The following CCDC25 variants were observed in gnomAD, a reference collection of about 807,000 sequenced individuals.
CCDC25 encodes the protein coiled-coil domain containing 25.
In CCDC25, 16 loss-of-function variants were observed where a neutral mutation model predicts 35.3. The ratio of observed to expected loss-of-function variants is 0.45; its 90% confidence interval spans 0.31 to 0.69. The LOEUF (loss-of-function observed/expected upper bound fraction) is 0.69. Among genes scored for constraint, CCDC25 ranks in the 30% least tolerant of loss-of-function variants. The pLI is 0.06. For synonymous variants in CCDC25, 79 were observed against 80.3 expected (o/e 0.98, Z 0.09); for missense variants, 179 against 250.7 (o/e 0.71, Z 1.93).
At chr8:27,761,284 C>T (rs1197902703) in intron 3 of CCDC25, among the ~76,000 whole-genome samples, 1 of 152,058 alleles carries the variant, frequency 6.6e-6, no homozygotes, top group African/African-American at 2.4e-5. Flanking sequence ...GAGCTGAAGC[C>T]AAAAGAGCAG....
In CCDC25 at chr8:27,737,118, G is replaced by A. The variant is rs1055777238; in HGVS notation, c.598-873C>T. 4.6e-5 allele frequency among the ~76,000 whole-genome samples: 7 copies of A among 152,104 alleles called. No homozygotes were observed. Among genetic ancestry groups the A allele is most frequent in the Non-Finnish European group, 7.4e-5 (5 of 68,014 alleles). ...AAAACATTGGTTCCTGTGAAGTCTG[G>A]TTTTAGCTCCAACTTCACTTAGTGG... On this transcript the variant is annotated intron_variant, in intron 8 of 8. Transcript: ENST00000356537. This position sits in a 1 kb window ranked among gnomAD's most constrained non-coding sequence, Gnocchi z 4.6.
At position 27,735,233 on chromosome 8, in the gene CCDC25, G is replaced by A. The variant is rs2128934278; in HGVS notation, c.*983C>T. On this transcript the variant is annotated 3_prime_UTR_variant, in exon 9 of 9. Coordinates refer to ENST00000356537, the MANE Select transcript of CCDC25 (RefSeq NM_018246.3). Reference sequence around the variant, plus strand: ...CAGTTCAACCCCATACACCAACATGGAATAAATGGAAACACTAGCCTTTTG... The same window carrying A: ...CAGTTCAACCCCATACACCAACATGAAATAAATGGAAACACTAGCCTTTTG... 6.6e-6 allele frequency: 1 copy of A among 152,666 alleles called. No homozygotes were observed. Among genetic ancestry groups the A allele is most frequent in the East Asian group, 1.9e-4 (1 of 5,174 alleles). 9.5% of individuals were successfully genotyped at this position (152,666 alleles called of 1,614,324 possible). A position where few individuals can be genotyped will look rare whatever the true frequency, so the allele number is the denominator to read the frequency against.
At chr8:27,746,214 T>G (rs1803597254) in intron 7 of CCDC25, among the ~76,000 whole-genome samples, 1 of 152,208 alleles carries the variant, frequency 6.6e-6, no homozygotes, top group South Asian at 2.1e-4. Flanking sequence ...AAGAGTATAG[T>G]AAGTAATATG....
At chr8:27,754,797 G>A (rs539438786) in intron 4 of CCDC25, among the ~76,000 whole-genome samples, 1 of 152,326 alleles carries the variant, frequency 6.6e-6, no homozygotes, top group African/African-American at 2.4e-5. Flanking sequence ...ATTGGAAATG[G>A]TTTAAGGCAA....
At chr8:27,752,688 A>G (rs554164543) in intron 4 of CCDC25, 101 bp from the exon 5 acceptor site, 2 of 799,302 alleles carry the variant, frequency 2.5e-6, no homozygotes, top group African/African-American at 1.7e-5. Context: ...GCATGATTTT[A>G]CTAAAAGCAG....
At chr8:27,770,972 C>G (rs2128949046) in intron 1 of CCDC25, among the ~76,000 whole-genome samples, 1 of 152,230 alleles carries the variant, frequency 6.6e-6, no homozygotes, top group African/African-American at 2.4e-5. Flanking sequence ...AAACCGAGGA[C>G]AACACTGAAT....
At chr8:27,766,694 G>A (rs921070052) in intron 1 of CCDC25, among the ~76,000 whole-genome samples, 3 of 151,982 alleles carry the variant, frequency 2.0e-5, no homozygotes, top group Admixed American at 6.6e-5. Flanking sequence ...TACCTATAAT[G>A]TTACCATAAT....
chr8:27,758,534 T>C (rs1804099046), intron 3 of CCDC25, among the ~76,000 whole-genome samples: 1 of 152,238 alleles, frequency 6.6e-6, no homozygotes, highest in Non-Finnish European at 1.5e-5. Context: ...TTCATACTAA[T>C]TATCACCTTC....
chr8:27,765,424 G>A (rs767565947), intron 1 of CCDC25, among the ~76,000 whole-genome samples, 173 bp from the exon 2 acceptor site: 10 of 152,054 alleles, frequency 6.6e-5, no homozygotes, highest in South Asian at 2.1e-4. Flanking sequence ...TGGTTTTTAC[G>A]TTTTTAAAGG....
At chr8:27,749,251 C>A (rs1803713093) in intron 5 of CCDC25, among the ~76,000 whole-genome samples, 1 of 152,132 alleles carries the variant, frequency 6.6e-6, no homozygotes, top group African/African-American at 2.4e-5. Flanking sequence ...CCACTCATAC[C>A]CTCCCTGGCA....
At chr8:27,761,250 C>T (rs188796345) in intron 3 of CCDC25, among the ~76,000 whole-genome samples, 16 of 152,286 alleles carry the variant, frequency 1.1e-4, no homozygotes, top group Non-Finnish European at 1.5e-5. Flanking sequence ...GAGAGAGCTG[C>T]AGCAACAGCC....
chr8:27,762,729 C>T (rs1804269773), intron 2 of CCDC25, among the ~76,000 whole-genome samples: 1 of 152,026 alleles, frequency 6.6e-6, no homozygotes, highest in Non-Finnish European at 1.5e-5. Context: ...ATAAAACTAA[C>T]ACTGACAAAA....
intron 4 of CCDC25, among the ~76,000 whole-genome samples, chr8:27,755,825 C>A (rs1279331917): frequency 6.6e-6 from 1 of 152,148 alleles, no homozygotes; most frequent in Non-Finnish European, 1.5e-5. Context: ...AACACCTGAT[C>A]AGTACTTCTC....
intron 5 of CCDC25, among the ~76,000 whole-genome samples, chr8:27,750,099 G>A (rs17057760): frequency 0.044 from 6,721 of 152,180 alleles, 216 homozygotes; most frequent in African/African-American, 0.087. Context: ...CGACTCTAAC[G>A]GAGCAGGGTA....
intron 3 of CCDC25, among the ~76,000 whole-genome samples, chr8:27,760,259 A>G (rs941028387): frequency 6.6e-6 from 1 of 152,230 alleles, no homozygotes; most frequent in African/African-American, 2.4e-5. Flanking sequence ...TTATTTAAAC[A>G]AATGAAAGTC....
chr8:27,765,734 A>C (rs779505880), intron 1 of CCDC25, among the ~76,000 whole-genome samples: 1 of 152,196 alleles, frequency 6.6e-6, no homozygotes, highest in Non-Finnish European at 1.5e-5. Flanking sequence ...CCCATATTCC[A>C]GGTGTGCTGC....
At chr8:27,759,350 T>C (rs1230352361) in intron 3 of CCDC25, among the ~76,000 whole-genome samples, 1 of 152,194 alleles carries the variant, frequency 6.6e-6, no homozygotes, top group Non-Finnish European at 1.5e-5. Flanking sequence ...CTCATGCCTG[T>C]CGTGCCAGCA....
At chr8:27,771,070 A>T (rs1804594429) in intron 1 of CCDC25, among the ~76,000 whole-genome samples, 1 of 152,198 alleles carries the variant, frequency 6.6e-6, no homozygotes, top group African/African-American at 2.4e-5. Flanking sequence ...ATTATAACGA[A>T]GCTGAAAAAT....
chr8:27,769,867 C>T (rs557350109), intron 1 of CCDC25, among the ~76,000 whole-genome samples: 4 of 152,180 alleles, frequency 2.6e-5, no homozygotes, highest in Non-Finnish European at 5.9e-5. Flanking sequence ...TTTGGCTGAG[C>T]GTGGTGATTC....
Sources: gnomAD v4.1 joint callset for allele counts (sites outside exome capture counted in the v4.1 genomes callset) on GRCh38, gnomAD v4.1.1 for gene constraint, Gnocchi (gnomAD v3.1) non-coding constraint, MANE v1.5 for transcripts, NCBI Gene and HGNC (gene_info 2026-07-23, HGNC 2026-07-21) for gene names.